Variants in MNS1 observed in about 807,000 individuals in gnomAD.
MNS1 encodes the protein meiosis specific nuclear structural 1, also known as meiosis-specific nuclear structural protein 1.
A neutral mutation model predicts 72.0 loss-of-function variants in MNS1; 63 were observed. The observed-to-expected ratio is 0.87, with a 90% CI of 0.71 to 1.08. The LOEUF (loss-of-function observed/expected upper bound fraction) is 1.08, where lower values mean the gene tolerates loss of function less well. Among genes scored for constraint, MNS1 ranks in the 50% least tolerant of loss-of-function variants. The pLI, the probability that MNS1 is intolerant of heterozygous loss-of-function variation, is 0.00. For synonymous variants in MNS1, 188 were observed against 172.1 expected (o/e 1.09, Z -0.72); for missense variants, 604 against 562.4 (o/e 1.07, Z -0.75).
chr15:56,456,017 G>A (rs1467914347), intron 3 of MNS1, among the ~76,000 whole-genome samples: 1 of 152,094 alleles, frequency 6.6e-6, no homozygotes, highest in Admixed American at 6.6e-5. Context: ...TAGAGGTACT[G>A]AAACACAGGC....
Position 56,434,240 on chromosome 15 carries a change from T to C in MNS1, c.1167A>G (p.Ile389Met). 4 of 1,614,006 alleles carry C rather than the reference T, an allele frequency of 2.5e-6. No homozygotes were observed. The highest frequency in any genetic ancestry group is 3.4e-6 in the Non-Finnish European group (4 of 1,179,920). ...MLAKFAEDDR[I>M]ELMNAQKQRM... ...TTTGTTTCTGAGCATTCATTAATTC[T>C]ATTCGATCATCCTCAGCAAATTTAG... The change falls in exon 8 of 10, where the codon ATA (isoleucine) becomes ATG (methionine). Residue 389 changes from isoleucine (I) to methionine (M), a missense_variant. Physicochemically the swap from Ile to Met is conservative, Grantham distance 10 (BLOSUM62 1). Transcript: ENST00000260453.
chr15:56,440,931 G>T (rs969358932), intron 7 of MNS1, among the ~76,000 whole-genome samples: 1 of 152,094 alleles, frequency 6.6e-6, no homozygotes, highest in Non-Finnish European at 1.5e-5. Context: ...AGACTATTGT[G>T]AATAATGCTG....
At chr15:56,455,677 A>G (rs1444616330) in intron 3 of MNS1, among the ~76,000 whole-genome samples, 1 of 152,172 alleles carries the variant, frequency 6.6e-6, no homozygotes, top group Non-Finnish European at 1.5e-5. Context: ...GGATCAAGAA[A>G]CATTCTAGAA....
chr15:56,432,345 G>A (rs1464668874), intron 8 of MNS1, among the ~76,000 whole-genome samples: 1 of 152,122 alleles, frequency 6.6e-6, no homozygotes, highest in African/African-American at 2.4e-5. Flanking sequence ...TTTGGTGTAG[G>A]AAACTACCTC....
Position 56,434,219 on chromosome 15 carries a change from T to G in MNS1, c.1188A>C (p.Lys396Asn). ...DDRIELMNAQ[K>N]QRMKQLEHRR... is the part of the protein sequence containing the mutation. ...TGTGTTCCAGCTGCTTCATTCTTTG[T>G]TTCTGAGCATTCATTAATTCTATTC... Residue 396 changes from lysine to asparagine, a missense_variant, in exon 8 of 10, where the codon AAA (lysine) becomes AAC (asparagine). By Grantham distance (94) the Lys-to-Asn change is moderately conservative. Transcript: ENST00000260453. The G allele has an allele frequency of 6.2e-7, 1 of 1,613,988 alleles. No homozygotes were observed. Among genetic ancestry groups the G allele is most frequent in the African/African-American group, 1.3e-5 (1 of 75,056 alleles).
chr15:56,458,333 G>A (rs1262319058), intron 2 of MNS1, among the ~76,000 whole-genome samples: 3 of 152,124 alleles, frequency 2.0e-5, no homozygotes, highest in African/African-American at 4.8e-5. Context: ...AAATTGAGCA[G>A]AAAGTACACA....
chr15:56,458,812 T>C (rs1254606887), intron 2 of MNS1, among the ~76,000 whole-genome samples: 1 of 152,216 alleles, frequency 6.6e-6, no homozygotes, highest in East Asian at 1.9e-4. Context: ...CTGAATAATA[T>C]TCCATTGTCT....
At chr15:56,463,838 T>C in intron 2 of MNS1, 188 bp downstream of exon 2, 1 of 581,756 alleles carries the variant, frequency 1.7e-6, no homozygotes, top group Non-Finnish European at 3.0e-6. Context: ...GGTATAGCAG[T>C]AGTAGGATTC....
At position 56,434,415 on chromosome 15, in the gene MNS1, G is replaced by A. The variant is rs756321268; in HGVS notation, c.1012-20C>T. On this transcript the variant is annotated intron_variant, in intron 7 of 9. Transcript: ENST00000260453. ...TTCTTCCTAAACAATACAGCTGAAA[G>A]TTAATTTAGTAACTATTTCCTTACA... 2 of 1,592,164 alleles carry A rather than the reference G, an allele frequency of 1.3e-6. No homozygotes were observed. The highest frequency in any genetic ancestry group is 1.1e-5 in the South Asian group (1 of 88,158).
chr15:56,463,161 C>T (rs2051033651), intron 2 of MNS1, among the ~76,000 whole-genome samples: 1 of 151,990 alleles, frequency 6.6e-6, no homozygotes, highest in Non-Finnish European at 1.5e-5. Context: ...TATTAGTTTC[C>T]CTTTTCTACC....
intron 3 of MNS1, among the ~76,000 whole-genome samples, chr15:56,453,067 A>C (rs1029040401): frequency 1.3e-5 from 2 of 152,158 alleles, no homozygotes; most frequent in Non-Finnish European, 2.9e-5. Flanking sequence ...TTTTTATTAC[A>C]GATATTACAG....
chr15:56,464,838 C>T, intron 1 of MNS1, 132 bp downstream of exon 1: 1 of 1,349,160 alleles, frequency 7.4e-7, no homozygotes, highest in Non-Finnish European at 1.0e-6. Flanking sequence ...CTGAAGCCTC[C>T]GAAAGCAAAT....
intron 3 of MNS1, among the ~76,000 whole-genome samples, chr15:56,451,650 C>G (rs899315967): frequency 1.3e-5 from 2 of 152,142 alleles, no homozygotes; most frequent in Admixed American, 1.3e-4. Context: ...TGATTATAGA[C>G]AGTCTCTGAT....
chr15:56,463,955 T>C (rs1465538146), intron 2 of MNS1, 71 bp downstream of exon 2: 10 of 1,250,252 alleles, frequency 8.0e-6, no homozygotes, highest in Non-Finnish European at 1.1e-5. Flanking sequence ...ATTTCCAGCA[T>C]TAACAGCTGA....
At chr15:56,432,483 T>A (rs1161188274) in intron 8 of MNS1, among the ~76,000 whole-genome samples, 1 of 151,968 alleles carries the variant, frequency 6.6e-6, no homozygotes, top group East Asian at 1.9e-4. Context: ...GTATAATGAG[T>A]TTCATCACGA....
At chr15:56,449,516 A>G (rs1351899525) in intron 3 of MNS1, among the ~76,000 whole-genome samples, 1 of 152,180 alleles carries the variant, frequency 6.6e-6, no homozygotes, top group Non-Finnish European at 1.5e-5. Context: ...AATATTTCAG[A>G]TTACAGGAGC....
At chr15:56,455,147 T>C (rs1422896367) in intron 3 of MNS1, among the ~76,000 whole-genome samples, 3 of 151,806 alleles carry the variant, frequency 2.0e-5, no homozygotes, top group East Asian at 1.9e-4. Context: ...GAGGAACATT[T>C]ATCTGAATAA....
At chr15:56,464,832 A>G (rs758087502) in intron 1 of MNS1, 138 bp downstream of exon 1, 2 of 1,252,766 alleles carry the variant, frequency 1.6e-6, no homozygotes, top group Non-Finnish European at 2.3e-6. Context: ...TAGCACCTGA[A>G]GCCTCCGAAA....
At position 56,436,143 on chromosome 15, in the gene MNS1, C is replaced by A. The variant is rs544397660; in HGVS notation, c.1012-1748G>T. ...TACAGAACTCTCCAGCCCAAATCAA[C>A]AGAATATACATTCTTCTCAGCACCA... On this transcript the variant is annotated intron_variant, in intron 7 of 9. Coordinates refer to ENST00000260453, the MANE Select transcript of MNS1 (RefSeq NM_018365.4). Among the ~76,000 whole-genome samples, 16 of 152,278 alleles carry A rather than the reference C, an allele frequency of 1.1e-4. No individual in the cohort carries two copies. The South Asian group carries it at 1.2e-3, about 12-fold the overall frequency.
Sources: gnomAD v4.1 joint callset for allele counts (sites outside exome capture counted in the v4.1 genomes callset) on GRCh38, gnomAD v4.1.1 for gene constraint, MANE v1.5 for transcripts, NCBI Gene and HGNC (gene_info 2026-07-23, HGNC 2026-07-21) for gene names.